The following EIF2AK4 variants were observed in gnomAD, a reference collection of about 807,000 sequenced individuals.
EIF2AK4 encodes eIF-2-alpha kinase GCN2.
In EIF2AK4, 139 loss-of-function variants were observed where a neutral mutation model predicts 211.1. The observed-to-expected ratio is 0.66, with a 90% CI of 0.57 to 0.76. The LOEUF is 0.76. Ranked by LOEUF, EIF2AK4 falls within the 30% of genes least tolerant of loss-of-function variation. The pLI is 0.00. For synonymous variants in EIF2AK4, 710 were observed against 751.3 expected (o/e 0.94, Z 0.90); for missense variants, 1,664 against 2,043.8 (o/e 0.81, Z 3.58).
At chr15:40,010,975 C>G (rs566610219) in intron 26 of EIF2AK4, among the ~76,000 whole-genome samples, 3 of 152,304 alleles carry the variant, frequency 2.0e-5, no homozygotes, top group Non-Finnish European at 2.9e-5. Context: ...CAAAATGACT[C>G]CCTCCCTGCC....
chr15:40,003,405 T>C lies in EIF2AK4; in HGVS notation c.3357+91T>C, dbSNP rs905514098. On this transcript the variant is annotated intron_variant, in intron 23 of 38. Transcript: ENST00000263791. ...TTAAAGGATTTTTCCCCCAGGCTTA[T>C]ATTATAAATGTCACCTTTGGGAAAT... The C allele has an allele frequency of 4.5e-6, 7 of 1,540,526 alleles. No individual in the cohort carries two copies. In the East Asian group the frequency reaches 1.1e-4, roughly 25 times the overall value.
At chr15:39,936,698 C>G (rs1017915827) in intron 1 of EIF2AK4, among the ~76,000 whole-genome samples, 1 of 152,140 alleles carries the variant, frequency 6.6e-6, no homozygotes, top group South Asian at 2.1e-4. Context: ...TGTGAGCCAC[C>G]GTGCCCAGCC....
At chr15:39,949,296 G>T in intron 4 of EIF2AK4, 28 bp downstream of exon 4, 1 of 1,610,490 alleles carries the variant, frequency 6.2e-7, no homozygotes, top group Non-Finnish European at 8.5e-7. Context: ...ATGTCTGTGT[G>T]CATGGCCAGC....
intron 9 of EIF2AK4, among the ~76,000 whole-genome samples, chr15:39,968,319 G>C (rs1299450042): frequency 6.6e-6 from 1 of 152,196 alleles, no homozygotes; most frequent in African/African-American, 2.4e-5. Context: ...ATTCATTTAA[G>C]TTGTAGAATG....
intron 25 of EIF2AK4, among the ~76,000 whole-genome samples, chr15:40,008,508 A>C (rs551398113): frequency 1.3e-5 from 2 of 152,064 alleles, no homozygotes; most frequent in Non-Finnish European, 2.9e-5. Context: ...CAGTGGCTCT[A>C]TCCTACACCC....
intron 18 of EIF2AK4, among the ~76,000 whole-genome samples, chr15:39,994,481 C>T (rs1595416130): frequency 6.6e-6 from 1 of 152,122 alleles, no homozygotes; most frequent in African/African-American, 2.4e-5. Context: ...TGGTGGCACA[C>T]GTCTGTAGTC....
chr15:39,976,652 C>T lies in EIF2AK4; in HGVS notation c.2057C>T (p.Pro686Leu), dbSNP rs1015896788. Residue 686 changes from proline to leucine, a missense_variant, in exon 12 of 39, where the codon CCG becomes CTG. This residue lies in a region of EIF2AK4 where 206 missense variants were observed against 201.9 expected (regional missense o/e 1.02). Transcript: ENST00000263791. ...AKDDRAARGQ[P>L]ASDTDGLDSV... is the part of the protein sequence containing the mutation. ...GATGACCGAGCTGCACGCGGGCAGC[C>T]GGCGAGCGACACAGACGGCCTGGAC... 1.2e-6 allele frequency: 2 copies of T among 1,603,572 alleles called. No homozygotes were observed. Among genetic ancestry groups the T allele is most frequent in the South Asian group, 1.1e-5 (1 of 90,462 alleles).
intron 13 of EIF2AK4, among the ~76,000 whole-genome samples, chr15:39,980,369 T>C (rs376678576): frequency 1.3e-5 from 2 of 152,318 alleles, no homozygotes; most frequent in East Asian, 3.9e-4. Context: ...TACATAAAAG[T>C]ACATCATCAG....
At chr15:40,028,826 G>A (rs980428483) in intron 33 of EIF2AK4, among the ~76,000 whole-genome samples, 2 of 152,142 alleles carry the variant, frequency 1.3e-5, no homozygotes, top group East Asian at 1.9e-4. Flanking sequence ...CACTTAAAAG[G>A]CTACATGGGA....
chr15:39,955,461 T>C (rs541197005), intron 5 of EIF2AK4, among the ~76,000 whole-genome samples, 159 bp from the exon 6 acceptor site: 3 of 152,326 alleles, frequency 2.0e-5, no homozygotes, highest in Non-Finnish European at 2.9e-5. Flanking sequence ...ATATCCTCCT[T>C]CTAGCTATTT....
In EIF2AK4 at chr15:39,976,861, G is replaced by T; in HGVS notation, c.2249+17G>T. The T allele has an allele frequency of 2.1e-6, 3 of 1,454,592 alleles. No homozygotes were observed. Among genetic ancestry groups the T allele is most frequent in the Non-Finnish European group, 2.7e-6 (3 of 1,105,626 alleles). The allele number at this position is 1,454,592 out of a possible 1,614,324, so 90.1% of individuals were successfully genotyped here. ...GTCCTTCCTGTAAGCGCACGGCGCG[G>T]ACCAGCTGCCTCTGATGCGCCCCCT... is the stretch of plus-strand genomic sequence containing the variant. On this transcript the variant is annotated intron_variant, in intron 12 of 38. Transcript: ENST00000263791.
At chr15:40,033,953 A>ATGG (rs2035578218) in intron 37 of EIF2AK4, among the ~76,000 whole-genome samples, 1 of 150,826 alleles carries the variant, frequency 6.6e-6, no homozygotes, top group African/African-American at 2.4e-5. Flanking sequence ...ACTTGAACCC[A>ATGG]GGAGGTGGAG....
intron 27 of EIF2AK4, among the ~76,000 whole-genome samples, chr15:40,014,763 A>T (rs2035282644): frequency 6.6e-6 from 1 of 152,176 alleles, no homozygotes; most frequent in African/African-American, 2.4e-5. Context: ...TCCTCAGAGA[A>T]TGGGGTTTTC....
chr15:40,000,894 T>A, intron 20 of EIF2AK4, 94 bp from the exon 21 acceptor site: 1 of 1,268,894 alleles, frequency 7.9e-7, no homozygotes, highest in Non-Finnish European at 1.1e-6. Context: ...AGTGGCACCT[T>A]TTCTTTGACC....
intron 3 of EIF2AK4, among the ~76,000 whole-genome samples, chr15:39,945,732 G>A (rs1566981425): frequency 6.6e-6 from 1 of 152,228 alleles, no homozygotes; most frequent in Non-Finnish European, 1.5e-5. Flanking sequence ...CCTTATGAAA[G>A]GACAGACTGA....
intron 31 of EIF2AK4, chr15:40,022,204 GTGTGTGTGTGTATGT>G (rs922627632): frequency 8.7e-5 from 20 of 229,492 alleles, no homozygotes; most frequent in African/African-American, 4.9e-4. Flanking sequence ...GTGTGTGTGT[GTGTGTGTGTGTATGT>G]TGTGTTGTAT....
intron 7 of EIF2AK4, among the ~76,000 whole-genome samples, chr15:39,965,457 A>G (rs1248552401): frequency 6.6e-6 from 1 of 152,154 alleles, no homozygotes; most frequent in Non-Finnish European, 1.5e-5. Flanking sequence ...TGATACTAAG[A>G]TCTCATTGTA....
chr15:39,999,625 CTTTA>C (rs1287235923), intron 20 of EIF2AK4, among the ~76,000 whole-genome samples: 1 of 152,066 alleles, frequency 6.6e-6, no homozygotes, highest in Non-Finnish European at 1.5e-5. Flanking sequence ...ATTAAGTACT[CTTTA>C]TTTATATTAG....
intron 33 of EIF2AK4, 21 bp downstream of exon 33, chr15:40,026,110 C>T (rs370224166): frequency 8.4e-5 from 135 of 1,602,928 alleles, no homozygotes; most frequent in African/African-American, 1.3e-4. Context: ...AAACAAAAGC[C>T]GAGAAAAGTG....
Sources: gnomAD v4.1 joint callset for allele counts (sites outside exome capture counted in the v4.1 genomes callset) on GRCh38, gnomAD v4.1.1 for gene constraint, gnomAD v4.1.1 regional missense constraint, MANE v1.5 for transcripts, NCBI Gene and HGNC (gene_info 2026-07-23, HGNC 2026-07-21) for gene names.